The following NOS1 variants were observed in gnomAD, a reference collection of about 807,000 sequenced individuals.
NOS1 encodes NOS type I.
In NOS1, 51 loss-of-function variants were observed where a neutral mutation model predicts 164.5. The observed-to-expected ratio is 0.31, with a 90% confidence interval of 0.25 to 0.39. NOS1 has a LOEUF of 0.39. Among genes scored for constraint, NOS1 ranks in the 10% least tolerant of loss-of-function variants. NOS1 has a pLI of 1.00. For missense variants in NOS1, 1,362 were observed against 1,885.6 expected, an observed-to-expected ratio of 0.72 and a Z score of 5.14; for synonymous variants, 719 against 745.8, an observed-to-expected ratio of 0.96 and a Z score of 0.59.
chr12:117,310,637 C>T (rs9658307), intron 3 of NOS1, among the ~76,000 whole-genome samples: 19,113 of 151,960 alleles, frequency 0.13, 1,470 homozygotes, highest in East Asian at 0.26. Context: ...TATCTTTTTG[C>T]TTATTTATTT....
intron 3 of NOS1, among the ~76,000 whole-genome samples, chr12:117,299,510 G>T (rs923396472): frequency 1.3e-4 from 20 of 151,848 alleles, no homozygotes; most frequent in Non-Finnish European, 2.6e-4. Flanking sequence ...GTGGTGGCGG[G>T]CGCCTGTAGT....
At chr12:117,228,801 G>C (rs985487675) in intron 22 of NOS1, among the ~76,000 whole-genome samples, 49 of 151,754 alleles carry the variant, frequency 3.2e-4, no homozygotes, top group African/African-American at 1.1e-3. Context: ...TTTTTTTTGA[G>C]ATGGAGTCTC....
chr12:117,299,993 C>T (rs1211981074), intron 3 of NOS1, among the ~76,000 whole-genome samples: 2 of 152,024 alleles, frequency 1.3e-5, no homozygotes, highest in African/African-American at 4.8e-5. Flanking sequence ...GATACCGCAT[C>T]ATACTGTGTT....
intron 1 of NOS1, among the ~76,000 whole-genome samples, chr12:117,332,896 C>G (rs1172131582): frequency 6.6e-6 from 1 of 152,190 alleles, no homozygotes; most frequent in Non-Finnish European, 1.5e-5. Context: ...AATTTATATT[C>G]TAGTTATTTT....
intron 12 of NOS1, among the ~76,000 whole-genome samples, chr12:117,264,494 TTCTTTCTCTC>T (rs1283763810): frequency 6.7e-6 from 1 of 149,984 alleles, no homozygotes; most frequent in East Asian, 2.0e-4. Context: ...TTCTTTCTCT[TTCTTTCTCTC>T]TCTCTCTCCC....
intron 24 of NOS1, among the ~76,000 whole-genome samples, chr12:117,225,619 A>C (rs1197447357): frequency 6.6e-6 from 1 of 151,598 alleles, no homozygotes; most frequent in Admixed American, 6.6e-5. Flanking sequence ...TTTGAGAGCC[A>C]CCATTTTTTT....
At chr12:117,274,506 C>T (rs1873022343) in intron 9 of NOS1, among the ~76,000 whole-genome samples, 1 of 152,112 alleles carries the variant, frequency 6.6e-6, no homozygotes, top group South Asian at 2.1e-4. Flanking sequence ...CAGTGGTTCA[C>T]ACCTGTAATC....
intron 4 of NOS1, among the ~76,000 whole-genome samples, chr12:117,288,841 GGA>G (rs1872869954): frequency 6.6e-6 from 1 of 152,106 alleles, no homozygotes; most frequent in African/African-American, 2.4e-5. Context: ...TGCTGGAAGA[GGA>G]GAGACCACAT....
intron 22 of NOS1, 71 bp from the exon 23 acceptor site, chr12:117,227,712 G>C (rs1868827850): frequency 6.8e-7 from 1 of 1,473,610 alleles, no homozygotes; most frequent in African/African-American, 1.4e-5. Context: ...GACCTGAGGG[G>C]GTCCAGGAAG....
At chr12:117,240,211 C>T (rs79837499) in intron 20 of NOS1, among the ~76,000 whole-genome samples, 2,908 of 152,280 alleles carry the variant, frequency 0.019, 101 homozygotes, top group African/African-American at 0.065. Flanking sequence ...GAGCCCCTCT[C>T]TGCATCAGGG....
intron 17 of NOS1, among the ~76,000 whole-genome samples, chr12:117,252,581 T>C (rs1871180860): frequency 6.6e-6 from 1 of 152,218 alleles, no homozygotes; most frequent in African/African-American, 2.4e-5. Context: ...GATGTGTCAT[T>C]GTAGGTACAT....
chr12:117,255,983 A>G, intron 16 of NOS1: 1 of 1,481,582 alleles, frequency 6.7e-7, no homozygotes. Context: ...CTTCTGTGTC[A>G]CCATTGGGGA....
At position 117,209,665 on chromosome 12, in the gene NOS1, C is replaced by T. The variant is rs1956498274; in HGVS notation, c.*5644G>A. ...TATTGACAGCTGACCACCTCCCTCG[C>T]ACATGGCTTTGATAAGTATTAATAG... On this transcript the variant is annotated 3_prime_UTR_variant, in exon 29 of 29. Coordinates refer to ENST00000317775, the MANE Select transcript of NOS1 (RefSeq NM_000620.5). 1 of 985,344 alleles carries T rather than the reference C, an allele frequency of 1.0e-6. No individual in the cohort carries two copies. Among genetic ancestry groups the T allele is most frequent in the African/African-American group, 1.7e-5 (1 of 57,230 alleles). The allele number at this position is 985,344 out of a possible 1,614,324, so 61.0% of individuals were successfully genotyped here.
rs761745076 is a variant in NOS1, at chr12:117,260,529, G to A, written c.2303C>T (p.Thr768Ile). ...VKATILYATE[T>I]GKSQAYAKTL... Reference sequence around the variant, plus strand: ...CTTGGCATAAGCTTGCGATTTGCCTGTCTCTGTGGCATAGAGGATGGTCGC... The same window carrying A: ...CTTGGCATAAGCTTGCGATTTGCCTATCTCTGTGGCATAGAGGATGGTCGC... Residue 768 changes from threonine (T) to isoleucine (I), a missense_variant, in exon 14 of 29, where the codon ACA (threonine) becomes ATA (isoleucine). Physicochemically the swap from Thr to Ile is moderately conservative, Grantham distance 89 (BLOSUM62 -1). Coordinates refer to ENST00000317775, the MANE Select transcript of NOS1 (RefSeq NM_000620.5). 59 of 1,614,038 alleles carry A rather than the reference G, an allele frequency of 3.7e-5. No homozygotes were observed. The highest frequency in any genetic ancestry group is 4.8e-5 in the Non-Finnish European group (57 of 1,180,042).
chr12:117,215,193 G>A lies in NOS1; in HGVS notation c.*116C>T. 7.4e-7 allele frequency: 1 copy of A among 1,345,974 alleles called. No homozygotes were observed. 83.4% of individuals were successfully genotyped at this position (1,345,974 alleles called of 1,614,324 possible). On this transcript the variant is annotated 3_prime_UTR_variant, in exon 29 of 29. Transcript: ENST00000317775. ...CGAGAAGCCCGAGGAGGGAAACCAG[G>A]GCACAGCGACAAGGACAGGAGGCAG...
chr12:117,337,372 T>C (rs994816651), intron 1 of NOS1, among the ~76,000 whole-genome samples: 1 of 152,138 alleles, frequency 6.6e-6, no homozygotes, highest in Non-Finnish European at 1.5e-5. Context: ...TGCCTTGGCC[T>C]CCCAAAGTGC....
intron 26 of NOS1, among the ~76,000 whole-genome samples, chr12:117,221,818 A>ATTTTTTTTTTT (rs3070338): frequency 9.0e-6 from 1 of 111,550 alleles, no homozygotes; most frequent in Non-Finnish European, 1.7e-5. Flanking sequence ...GCTAACTTAA[A>ATTTTTTTTTTT]TTTTTTTTTT....
Position 117,218,171 on chromosome 12 carries a change from G to A in NOS1, c.4171-7C>T. On this transcript the variant is annotated splice_polypyrimidine_tract_variant and splice_region_variant and intron_variant, in intron 27 of 28. Coordinates refer to ENST00000317775, the MANE Select transcript of NOS1 (RefSeq NM_000620.5). ...CATGGTATCGGTTGTCATCCTAGAA[G>A]ACAGAAACAGCCAGAAAACAGCTCT... The A allele has an allele frequency of 6.2e-7, 1 of 1,604,884 alleles. No homozygotes were observed. The highest frequency in any genetic ancestry group is 8.5e-7 in the Non-Finnish European group (1 of 1,171,648).
chr12:117,268,032 C>T lies in NOS1; in HGVS notation c.1941+11G>A, dbSNP rs1211401602. 6.3e-7 allele frequency: 1 copy of T among 1,594,826 alleles called. No individual in the cohort carries two copies. Among genetic ancestry groups the T allele is most frequent in the Admixed American group, 1.7e-5 (1 of 59,874 alleles). ...GAAGCTTGACCCTGGTGGTGCGGGCCCTGGTGTTACCTGGAAGCTATAGAG... is the reference window on the plus strand; with the variant it reads ...GAAGCTTGACCCTGGTGGTGCGGGCTCTGGTGTTACCTGGAAGCTATAGAG... On this transcript the variant is annotated intron_variant, in intron 11 of 28. Coordinates refer to ENST00000317775, the MANE Select transcript of NOS1 (RefSeq NM_000620.5).
Sources: gnomAD v4.1 joint callset for allele counts (sites outside exome capture counted in the v4.1 genomes callset) on GRCh38, gnomAD v4.1.1 for gene constraint, MANE v1.5 for transcripts, NCBI Gene and HGNC (gene_info 2026-07-23, HGNC 2026-07-21) for gene names.